FAM13A: variants seen among roughly 807,000 people sequenced by gnomAD.
FAM13A encodes protein FAM13A.
Under a neutral mutation model 129.6 loss-of-function variants are expected in FAM13A, and 76 were observed. The ratio of observed to expected loss-of-function variants is 0.59; its 90% confidence interval spans 0.49 to 0.71. The LOEUF is 0.71. FAM13A is among the 30% of genes least tolerant of loss of function. FAM13A has a pLI of 0.00. For missense variants in FAM13A, 1,108 were observed against 1,249.3 expected (o/e 0.89, Z 1.70); for synonymous variants, 443 against 449.9 (o/e 0.98, Z 0.20).
chr4:88,770,551 G>C (rs148415038), intron 11 of FAM13A, among the ~76,000 whole-genome samples: 317 of 130,964 alleles, frequency 2.4e-3, no homozygotes, highest in African/African-American at 7.4e-3. Context: ...TCCTGTAGGA[G>C]ATAGCTTAAA....
chr4:88,994,157 G>C (rs538467921), intron 3 of FAM13A, among the ~76,000 whole-genome samples: 1 of 152,292 alleles, frequency 6.6e-6, no homozygotes, highest in South Asian at 2.1e-4. Flanking sequence ...TTCACCCACT[G>C]GACAAGGATG....
chr4:88,763,155 C>T (rs759402649), intron 13 of FAM13A, among the ~76,000 whole-genome samples: 1 of 151,960 alleles, frequency 6.6e-6, no homozygotes, highest in African/African-American at 2.4e-5. Flanking sequence ...TGTTTTTCCT[C>T]GAATACAGGA....
At chr4:88,890,555 A>G (rs953371149) in intron 6 of FAM13A, among the ~76,000 whole-genome samples, 2 of 152,216 alleles carry the variant, frequency 1.3e-5, no homozygotes, top group Admixed American at 1.3e-4. Flanking sequence ...ATCACAACAC[A>G]TAAGTACCAT....
intron 6 of FAM13A, among the ~76,000 whole-genome samples, chr4:88,905,196 G>T (rs919353335): frequency 6.6e-6 from 1 of 151,904 alleles, no homozygotes; most frequent in Non-Finnish European, 1.5e-5. Context: ...TCTCATTCTT[G>T]TCGCAGCTCG....
intron 2 of FAM13A, among the ~76,000 whole-genome samples, chr4:89,027,156 T>C (rs898257241): frequency 1.4e-4 from 22 of 152,172 alleles, no homozygotes; most frequent in African/African-American, 4.3e-4. Context: ...TACATATCTA[T>C]GACAAAGTTT....
intron 3 of FAM13A, among the ~76,000 whole-genome samples, chr4:88,996,879 T>C (rs997876394): frequency 6.6e-6 from 1 of 152,220 alleles, no homozygotes. Flanking sequence ...TTTTAAAGAA[T>C]GATACGCATT....
chr4:88,878,537 CA>C lies in FAM13A; in HGVS notation c.844-27355del, dbSNP rs1270396407. Reference sequence around the variant, plus strand: ...TTTTAATAAATCAATTTAAAGGAGTCAAAAAACTATATTCTACAAATAGAAC... The same window carrying C: ...TTTTAATAAATCAATTTAAAGGAGTCAAAAACTATATTCTACAAATAGAAC... On this transcript the variant is annotated intron_variant, in intron 6 of 23. Transcript: ENST00000264344. Among the ~76,000 whole-genome samples, 3 of 151,998 alleles carry C rather than the reference CA, an allele frequency of 2.0e-5. No individual in the cohort carries two copies. The South Asian group carries it at 6.2e-4, about 32-fold the overall frequency.
Position 88,739,035 on chromosome 4 carries a change from TG to T in FAM13A, c.2556del (p.Ile853SerfsTer29). 6.2e-7 allele frequency: 1 copy of T among 1,608,066 alleles called. No homozygotes were observed. The highest frequency in any genetic ancestry group is 8.5e-7 in the Non-Finnish European group (1 of 1,174,584). On this transcript the variant is annotated frameshift_variant, in exon 20 of 24. Coordinates refer to ENST00000264344, the MANE Select transcript of FAM13A (RefSeq NM_014883.4). LOFTEE classifies it high-confidence loss of function. ...CGGGAAGGTATTCTACTCACAATGA[TG>T]GGTATGGTGTTAGCTCGGGAGAGGA... ...KQILSRANTI[P>X]IIGSPSSKRR...
intron 10 of FAM13A, among the ~76,000 whole-genome samples, chr4:88,781,953 C>G (rs1236749058): frequency 6.6e-6 from 1 of 150,408 alleles, no homozygotes; most frequent in Non-Finnish European, 1.5e-5. Flanking sequence ...AACAAACCTG[C>G]ACATTGTGCA....
intron 10 of FAM13A, among the ~76,000 whole-genome samples, chr4:88,786,776 G>A (rs985563381): frequency 1.1e-4 from 16 of 151,568 alleles, no homozygotes; most frequent in African/African-American, 2.2e-4. Context: ...TTCTTTAAGC[G>A]AAAAAAAGTT....
intron 4 of FAM13A, among the ~76,000 whole-genome samples, chr4:88,955,611 A>G (rs1757629821): frequency 6.6e-6 from 1 of 152,184 alleles, no homozygotes; most frequent in Non-Finnish European, 1.5e-5. Flanking sequence ...GAAAATTTGG[A>G]ACTTCCTAGA....
At chr4:88,781,798 C>T (rs1439406782) in intron 10 of FAM13A, among the ~76,000 whole-genome samples, 2 of 150,294 alleles carry the variant, frequency 1.3e-5, no homozygotes, top group African/African-American at 2.4e-5. Flanking sequence ...AATGAGAACA[C>T]ATGGACACAG....
chr4:88,942,181 T>C (rs1244838076), intron 4 of FAM13A, among the ~76,000 whole-genome samples: 1 of 152,168 alleles, frequency 6.6e-6, no homozygotes, highest in Non-Finnish European at 1.5e-5. Context: ...ATATCCTAGA[T>C]GAAAAAAACT....
At chr4:88,999,765 T>C (rs1322134748) in intron 3 of FAM13A, among the ~76,000 whole-genome samples, 2 of 152,166 alleles carry the variant, frequency 1.3e-5, no homozygotes, top group Non-Finnish European at 2.9e-5. Context: ...TGTAAAAGGT[T>C]GATTATTTCC....
intron 14 of FAM13A, among the ~76,000 whole-genome samples, chr4:88,757,614 T>C (rs1337894177): frequency 6.6e-6 from 1 of 152,196 alleles, no homozygotes; most frequent in Non-Finnish European, 1.5e-5. Flanking sequence ...GCTGAAAATA[T>C]CTGACAAAAT....
chr4:88,745,100 T>G (rs1741036967), intron 19 of FAM13A, among the ~76,000 whole-genome samples: 1 of 152,176 alleles, frequency 6.6e-6, no homozygotes, highest in Non-Finnish European at 1.5e-5. Context: ...GCAGACCCAG[T>G]AAAAGCCACC....
intron 5 of FAM13A, among the ~76,000 whole-genome samples, chr4:88,908,530 C>T (rs1184881392): frequency 2.0e-5 from 3 of 152,134 alleles, no homozygotes; most frequent in African/African-American, 4.8e-5. Flanking sequence ...GACAGTATTT[C>T]TTTATTCTAT....
At chr4:88,845,916 G>A (rs1227892755) in intron 7 of FAM13A, among the ~76,000 whole-genome samples, 1 of 152,144 alleles carries the variant, frequency 6.6e-6, no homozygotes, top group Non-Finnish European at 1.5e-5. Context: ...ACATTGAAAA[G>A]TGATTTATTA....
At chr4:89,021,541 G>A (rs1182055617) in intron 2 of FAM13A, among the ~76,000 whole-genome samples, 1 of 152,148 alleles carries the variant, frequency 6.6e-6, no homozygotes, top group Non-Finnish European at 1.5e-5. Context: ...GACAATGTGG[G>A]GTGCCTAGGT....
Sources: allele counts gnomAD v4.1 joint callset (sites outside exome capture counted in the v4.1 genomes callset), GRCh38; gene constraint gnomAD v4.1.1; transcripts MANE v1.5; gene names NCBI Gene and HGNC (gene_info 2026-07-23, HGNC 2026-07-21).